KDM2B: variants seen among roughly 807,000 people sequenced by gnomAD.
KDM2B encodes the protein lysine-specific demethylase 2B.
A neutral mutation model predicts 150.0 loss-of-function variants in KDM2B; 26 were observed. The observed-to-expected ratio is 0.17, with a 90% CI of 0.13 to 0.24. The LOEUF (loss-of-function observed/expected upper bound fraction) is 0.24. Ranked by LOEUF, KDM2B falls within the 10% of genes least tolerant of loss-of-function variation. KDM2B has a pLI of 1.00. For synonymous variants in KDM2B, 734 were observed against 729.5 expected (o/e 1.01, Z -0.10); for missense variants, 1,265 against 1,816.9 (o/e 0.70, Z 5.52).
intron 4 of KDM2B, among the ~76,000 whole-genome samples, chr12:121,558,734 CG>C (rs1184917353): frequency 6.6e-6 from 1 of 152,058 alleles, no homozygotes; most frequent in Non-Finnish European, 1.5e-5. Context: ...GGATTACAGG[CG>C]TGAGACACTG....
At chr12:121,476,476 T>C (rs978155148) in intron 12 of KDM2B, among the ~76,000 whole-genome samples, 2 of 151,906 alleles carry the variant, frequency 1.3e-5, no homozygotes, top group African/African-American at 4.8e-5. Flanking sequence ...AGTTTTTTGT[T>C]TTTTGTTTTT....
intron 12 of KDM2B, among the ~76,000 whole-genome samples, chr12:121,481,730 C>G (rs1472298583): frequency 6.6e-6 from 1 of 151,954 alleles, no homozygotes; most frequent in Admixed American, 6.6e-5. Flanking sequence ...CTCAAGATCT[C>G]AATTGCTTTT....
At chr12:121,463,705 G>A (rs910591075) in intron 12 of KDM2B, among the ~76,000 whole-genome samples, 4 of 152,052 alleles carry the variant, frequency 2.6e-5, no homozygotes, top group East Asian at 1.9e-4. Flanking sequence ...CTCAGCCTCC[G>A]AGTAGCTGGG....
At chr12:121,435,739 C>CA (rs1334550739) in intron 22 of KDM2B, among the ~76,000 whole-genome samples, 1 of 152,168 alleles carries the variant, frequency 6.6e-6, no homozygotes, top group Admixed American at 6.5e-5. Context: ...AATGGCGGTC[C>CA]ACCCTACACC....
At chr12:121,529,638 C>G (rs530904540) in intron 8 of KDM2B, among the ~76,000 whole-genome samples, 1 of 151,908 alleles carries the variant, frequency 6.6e-6, no homozygotes, top group Non-Finnish European at 1.5e-5. Context: ...ACCTAAAATA[C>G]TCATCTAGGG....
Position 121,442,533 on chromosome 12 carries a change from G to T in KDM2B, c.2908C>A (p.Gln970Lys), listed in dbSNP as rs781866847. ...RTENSLANEN[Q>K]QPIKSEPESE... ...TCAGGCTCCGACTTGATGGGCTGCT[G>T]GTTCTCGTTGGCCAGGCTGTTCTCC... The change falls in exon 19 of 23, where the codon CAG becomes AAG. Residue 970 changes from glutamine to lysine, a missense_variant. Gln to Lys is a moderately conservative substitution (Grantham distance 53). Around this residue, in one of 11 missense-constraint regions of KDM2B, gnomAD observed 418 missense variants for 402.4 expected, o/e 1.04. Coordinates refer to ENST00000377071, the MANE Select transcript of KDM2B (RefSeq NM_032590.5). This position sits in a 1 kb window ranked among gnomAD's most constrained non-coding sequence, Gnocchi z 7.7. The T allele has an allele frequency of 1.9e-6, 3 of 1,599,642 alleles. No individual in the cohort carries two copies. The Admixed American group carries it at 5.0e-5, about 27-fold the overall frequency.
intron 12 of KDM2B, among the ~76,000 whole-genome samples, chr12:121,490,169 G>C (rs1883204384): frequency 6.6e-6 from 1 of 152,212 alleles, no homozygotes; most frequent in African/African-American, 2.4e-5. Context: ...AGGGGAGAGA[G>C]ACAAAGCAGA....
At chr12:121,485,101 C>A (rs1457015530) in intron 12 of KDM2B, among the ~76,000 whole-genome samples, 1 of 152,110 alleles carries the variant, frequency 6.6e-6, no homozygotes, top group Non-Finnish European at 1.5e-5. Flanking sequence ...CCAGATGGAA[C>A]CTGCCTGCTG....
At chr12:121,557,464 T>G (rs1555312969) in intron 4 of KDM2B, among the ~76,000 whole-genome samples, 1 of 152,104 alleles carries the variant, frequency 6.6e-6, no homozygotes, top group South Asian at 2.1e-4. Flanking sequence ...GGTCTTGAAC[T>G]CCTGACCTCA....
intron 4 of KDM2B, among the ~76,000 whole-genome samples, chr12:121,561,924 C>A: frequency 6.6e-6 from 1 of 152,194 alleles, no homozygotes; most frequent in Non-Finnish European, 1.5e-5. Context: ...GTAATCCCAA[C>A]ACTTTGGGAG....
intron 2 of KDM2B, among the ~76,000 whole-genome samples, chr12:121,577,135 C>T (rs574541256): frequency 6.6e-6 from 1 of 152,280 alleles, no homozygotes; most frequent in South Asian, 2.1e-4. Flanking sequence ...TGGGCCCTCC[C>T]CTTTGAAAGA....
intron 1 of KDM2B, among the ~76,000 whole-genome samples, chr12:121,579,167 C>T (rs1346683538): frequency 6.6e-6 from 1 of 152,272 alleles, no homozygotes; most frequent in Non-Finnish European, 1.5e-5. Flanking sequence ...GGGGTACTCC[C>T]CTCCGGTGTC....
Position 121,430,529 on chromosome 12 carries a change from G to T in KDM2B, c.3830-60C>A, listed in dbSNP as rs782156785. 2 of 1,257,430 alleles carry T rather than the reference G, an allele frequency of 1.6e-6. No individual in the cohort carries two copies. The highest frequency in any genetic ancestry group is 2.3e-6 in the Non-Finnish European group (2 of 858,190). The allele number at this position is 1,257,430 out of a possible 1,614,324, so 77.9% of individuals were successfully genotyped here. ...GCCAGGAGCCAGAAGCCCCCCCGCC[G>T]CCAGACCCAGGCACTCAGCAGTGGG... On this transcript the variant is annotated intron_variant, in intron 22 of 22. Coordinates refer to ENST00000377071, the MANE Select transcript of KDM2B (RefSeq NM_032590.5). This position sits in a 1 kb window ranked among gnomAD's most constrained non-coding sequence, Gnocchi z 4.4.
At chr12:121,504,340 G>A (rs1364862414) in intron 11 of KDM2B, among the ~76,000 whole-genome samples, 6 of 152,114 alleles carry the variant, frequency 3.9e-5, no homozygotes, top group Non-Finnish European at 7.4e-5. Flanking sequence ...GGCATTACAG[G>A]CATAAGCAAC....
At chr12:121,489,585 G>C (rs57304385) in intron 12 of KDM2B, among the ~76,000 whole-genome samples, 1 of 152,100 alleles carries the variant, frequency 6.6e-6, no homozygotes, top group African/African-American at 2.4e-5. Flanking sequence ...GACTACAGGC[G>C]CCTGCCACCA....
intron 8 of KDM2B, among the ~76,000 whole-genome samples, chr12:121,523,886 G>C (rs1248850850): frequency 6.6e-6 from 1 of 152,140 alleles, no homozygotes; most frequent in Non-Finnish European, 1.5e-5. Flanking sequence ...CCCATCCCAC[G>C]ACCTTCACCC....
At chr12:121,562,503 A>G (rs1890417121) in intron 4 of KDM2B, among the ~76,000 whole-genome samples, 1 of 152,122 alleles carries the variant, frequency 6.6e-6, no homozygotes, top group South Asian at 2.1e-4. Flanking sequence ...GTCTGGGGAC[A>G]AGTCAGCCAG....
intron 12 of KDM2B, among the ~76,000 whole-genome samples, chr12:121,455,865 C>T (rs1297739043): frequency 2.0e-5 from 3 of 152,270 alleles, no homozygotes; most frequent in Middle Eastern, 3.4e-3. Context: ...AGAAGTAAAA[C>T]GAGATCAGTT....
At chr12:121,410,670 AGAT>A in the KDM2B span, among the ~76,000 whole-genome samples, 755 of 152,194 alleles carry the variant, frequency 5.0e-3, 17 homozygotes, top group Admixed American at 0.039. Context: ...CTCCTCTCAG[AGAT>A]GATAACTATA....
Sources: allele counts gnomAD v4.1 joint callset (sites outside exome capture counted in the v4.1 genomes callset), GRCh38; gene constraint gnomAD v4.1.1; regional missense constraint gnomAD v4.1.1; non-coding constraint Gnocchi (gnomAD v3.1); transcripts MANE v1.5; gene names NCBI Gene and HGNC (gene_info 2026-07-23, HGNC 2026-07-21).